Variants in BAZ2B observed in about 807,000 individuals in gnomAD.
BAZ2B encodes bromodomain adjacent to zinc finger domain protein 2B.
Under a neutral mutation model 246.0 loss-of-function variants are expected in BAZ2B, and 91 were observed. The ratio of observed to expected loss-of-function variants is 0.37; its 90% CI spans 0.31 to 0.44. BAZ2B has a LOEUF of 0.44. BAZ2B is among the 20% of genes least tolerant of loss of function. The pLI is 1.00. For synonymous variants in BAZ2B, 855 were observed against 860.0 expected (o/e 0.99, Z 0.10); for missense variants, 2,332 against 2,533.7 (o/e 0.92, Z 1.71).
intron 32 of BAZ2B, 85 bp from the exon 33 acceptor site, chr2:159,337,162 A>G: frequency 1.4e-6 from 2 of 1,473,666 alleles, no homozygotes; most frequent in East Asian, 4.5e-5. Flanking sequence ...CTGAAAGCCA[A>G]GCAATGACAA....
intron 21 of BAZ2B, among the ~76,000 whole-genome samples, chr2:159,389,129 A>AAC (rs374289354): frequency 0.099 from 12,754 of 128,698 alleles, 688 homozygotes; most frequent in Non-Finnish European, 0.14. Context: ...AACCAACCAA[A>AAC]CAAACAAACA....
At chr2:159,710,945 A>G in the BAZ2B span, 2 of 152,248 alleles carry the variant, frequency 1.3e-5, no homozygotes, top group Admixed American at 1.3e-4. Context: ...TGGTTTAGAC[A>G]TGGAATGTAA....
chr2:159,690,618 C>T, the BAZ2B span, among the ~76,000 whole-genome samples: 1 of 152,108 alleles, frequency 6.6e-6, no homozygotes, highest in South Asian at 2.1e-4. Flanking sequence ...GTGCAGAAGT[C>T]CGCACACTGT....
At chr2:159,626,354 C>G in the BAZ2B span, among the ~76,000 whole-genome samples, 1 of 152,140 alleles carries the variant, frequency 6.6e-6, no homozygotes, top group African/African-American at 2.4e-5. Context: ...ACTCTCCACC[C>G]CAAATCAACA....
chr2:159,675,308 C>A, the BAZ2B span, among the ~76,000 whole-genome samples: 3 of 150,592 alleles, frequency 2.0e-5, no homozygotes, highest in Admixed American at 1.3e-4. Flanking sequence ...AAACGCACAA[C>A]AGAATACAGT....
intron 27 of BAZ2B, among the ~76,000 whole-genome samples, chr2:159,351,603 C>T (rs74408148): frequency 0.034 from 5,238 of 152,210 alleles, 188 homozygotes; most frequent in African/African-American, 0.09. Context: ...TGTGTGCCTA[C>T]ACCCTCAATG....
intron 1 of BAZ2B, among the ~76,000 whole-genome samples, chr2:159,582,784 G>A (rs1258629736): frequency 1.3e-5 from 2 of 152,070 alleles, no homozygotes; most frequent in African/African-American, 2.4e-5. Flanking sequence ...TGTATCTCCA[G>A]GTTACTGAAT....
Position 159,429,227 on chromosome 2 carries a change from C to T in BAZ2B, c.2228G>A (p.Arg743His), listed in dbSNP as rs1369489415. 31 of 1,558,990 alleles carry T rather than the reference C, an allele frequency of 2.0e-5. No individual in the cohort carries two copies. Among genetic ancestry groups the T allele is most frequent in the African/African-American group, 6.7e-5 (5 of 74,162 alleles). ...ATATTCCAATGGAATACGCAGTTCA[C>T]GTTCATCTGTTACTCTTCTTCTTTT... ...TSKRRRVTDE[R>H]ELRIPLEYGW... The change falls in exon 11 of 37, where the codon CGT (arginine) becomes CAT (histidine). Residue 743 changes from arginine to histidine, a missense_variant. Coordinates refer to ENST00000392783, the MANE Select transcript of BAZ2B (RefSeq NM_013450.4).
At chr2:159,469,043 CT>C (rs2077440385) in intron 3 of BAZ2B, among the ~76,000 whole-genome samples, 1 of 124,702 alleles carries the variant, frequency 8.0e-6, no homozygotes, top group Non-Finnish European at 1.6e-5. Context: ...GTTCAAGACT[CT>C]GTCTCAAAAA....
chr2:159,389,286 T>C (rs941622184), intron 21 of BAZ2B, 59 bp downstream of exon 21: 3 of 1,472,854 alleles, frequency 2.0e-6, no homozygotes, highest in Non-Finnish European at 2.7e-6. Context: ...AGAAATCAGG[T>C]AAGAAAACTG....
At chr2:159,702,241 TA>T in the BAZ2B span, among the ~76,000 whole-genome samples, 2 of 152,230 alleles carry the variant, frequency 1.3e-5, no homozygotes, top group Non-Finnish European at 2.9e-5. Context: ...CAAAGTGTTA[TA>T]TTTTTAATTA....
chr2:159,372,959 G>T, intron 27 of BAZ2B, 86 bp downstream of exon 27: 1 of 1,414,310 alleles, frequency 7.1e-7, no homozygotes, highest in Non-Finnish European at 9.5e-7. Flanking sequence ...TTGATTATGG[G>T]AACACAAAAT....
chr2:159,607,531 C>T (rs956593542), intron 1 of BAZ2B, among the ~76,000 whole-genome samples: 1 of 151,570 alleles, frequency 6.6e-6, no homozygotes, highest in Non-Finnish European at 1.5e-5. Flanking sequence ...ATTAACCCAT[C>T]TTCTCCAGAA....
intron 27 of BAZ2B, among the ~76,000 whole-genome samples, chr2:159,357,995 C>T (rs951593371): frequency 6.6e-6 from 1 of 152,142 alleles, no homozygotes; most frequent in African/African-American, 2.4e-5. Context: ...ATACCGGTAC[C>T]AGCCACTGCA....
chr2:159,348,914 C>T (rs2058266155), intron 29 of BAZ2B, 81 bp from the exon 30 acceptor site: 2 of 1,541,174 alleles, frequency 1.3e-6, no homozygotes, highest in South Asian at 2.5e-5. Flanking sequence ...GATTTATTAA[C>T]TATATATAGA....
chr2:159,497,255 A>C (rs1036361642), intron 2 of BAZ2B, among the ~76,000 whole-genome samples: 7 of 152,220 alleles, frequency 4.6e-5, no homozygotes, highest in African/African-American at 7.2e-5. Context: ...CTCATGAACT[A>C]CCAGGAAGAA....
chr2:159,481,334 A>G (rs1481769360), intron 2 of BAZ2B, among the ~76,000 whole-genome samples: 1 of 152,016 alleles, frequency 6.6e-6, no homozygotes. Flanking sequence ...TTGGCTTACC[A>G]TATCGTAAGA....
intron 2 of BAZ2B, among the ~76,000 whole-genome samples, chr2:159,536,923 T>G (rs957033032): frequency 3.3e-5 from 5 of 152,170 alleles, no homozygotes; most frequent in Non-Finnish European, 7.4e-5. Flanking sequence ...ACAGCAAAAT[T>G]TAATCTATGT....
At chr2:159,617,327 C>G (rs996029617), upstream of BAZ2B, among the ~76,000 whole-genome samples, 2 of 152,076 alleles carry the variant, frequency 1.3e-5, no homozygotes, top group Non-Finnish European at 2.9e-5. Context: ...CCCCCAACCC[C>G]AATTCCCAAA....
Sources: gnomAD v4.1 joint callset for allele counts (sites outside exome capture counted in the v4.1 genomes callset) on GRCh38, gnomAD v4.1.1 for gene constraint, MANE v1.5 for transcripts, NCBI Gene and HGNC (gene_info 2026-07-23, HGNC 2026-07-21) for gene names.